GPRIN3: variants seen among roughly 807,000 people sequenced by gnomAD.
The protein encoded by GPRIN3 is G protein-regulated inducer of neurite outgrowth 3.
In GPRIN3, 12 loss-of-function variants were observed where a neutral mutation model predicts 13.7. The observed-to-expected ratio is 0.87, with a 90% CI of 0.56 to 1.42. The LOEUF is 1.42. GPRIN3 is among the 40% of genes most tolerant of loss of function. The pLI, the probability that GPRIN3 is intolerant of heterozygous loss-of-function variation, is 0.00. For missense variants in GPRIN3, 1,009 were observed against 958.7 expected (o/e 1.05, Z -0.69); for synonymous variants, 377 against 372.7 (o/e 1.01, Z -0.13).
intron 1 of GPRIN3, among the ~76,000 whole-genome samples, chr4:89,258,220 T>C (rs532901623): frequency 7.3e-4 from 98 of 134,230 alleles, no homozygotes; most frequent in Non-Finnish European, 1.3e-3. Context: ...GTAGAATGGT[T>C]AAGCCTGAGC....
chr4:89,280,998 TG>T (rs1284472693), intron 1 of GPRIN3, among the ~76,000 whole-genome samples: 1 of 152,072 alleles, frequency 6.6e-6, no homozygotes, highest in Admixed American at 6.5e-5. Context: ...AGCGTGGTGC[TG>T]GCATCCGCTA....
rs1722829340 is a variant in GPRIN3 at position 89,238,042 on chromosome 4, T to C, written c.*9738A>G. On this transcript the variant is annotated 3_prime_UTR_variant, in exon 2 of 2. Coordinates refer to ENST00000609438, the MANE Select transcript of GPRIN3 (RefSeq NM_198281.3). ...CATGAGGTTTTAATTTGACCAAGAA[T>C]AAATGTTTAAGTATGCAAGAGTTAG... 1.3e-5 allele frequency: 2 copies of C among 152,110 alleles called. No homozygotes were observed. Among genetic ancestry groups the C allele is most frequent in the African/African-American group, 2.4e-5 (1 of 41,426 alleles). The allele number at this position is 152,110 out of a possible 1,614,324, so 9.4% of individuals were successfully genotyped here. A position where few individuals can be genotyped will look rare whatever the true frequency, so the allele number is the denominator to read the frequency against.
intron 1 of GPRIN3, among the ~76,000 whole-genome samples, chr4:89,261,997 C>T (rs746289349): frequency 1.3e-5 from 2 of 151,806 alleles, no homozygotes; most frequent in Middle Eastern, 3.2e-3. Context: ...TGGCACGCGC[C>T]TGTGGTCCCA....
rs1722847542 is a variant in GPRIN3 at position 89,238,707 on chromosome 4, G to T, written c.*9073C>A. The T allele has an allele frequency of 1.3e-5, 2 of 152,132 alleles. No individual in the cohort carries two copies. Among genetic ancestry groups the T allele is most frequent in the African/African-American group, 4.8e-5 (2 of 41,418 alleles). 9.4% of individuals were successfully genotyped at this position (152,132 alleles called of 1,614,324 possible). A position where few individuals can be genotyped will look rare whatever the true frequency, so the allele number is the denominator to read the frequency against. On this transcript the variant is annotated 3_prime_UTR_variant, in exon 2 of 2. Coordinates refer to ENST00000609438, the MANE Select transcript of GPRIN3 (RefSeq NM_198281.3). ...AATTCTATTTTAATTAAAGAAAAAA[G>T]TTCTTTCATTGCAAATACTTCCAGT...
Position 89,241,963 on chromosome 4 carries a change from G to C in GPRIN3, c.*5817C>G, listed in dbSNP as rs1722956992. 6.6e-6 allele frequency: 1 copy of C among 152,114 alleles called. No individual in the cohort carries two copies. The highest frequency in any genetic ancestry group is 6.5e-5 in the Admixed American group (1 of 15,272). The allele number at this position is 152,114 out of a possible 1,614,324, so 9.4% of individuals were successfully genotyped here. ...TACTAGCAGCAATGTCAAAAAGCAA[G>C]CTATAATTTTCACCCCAGAAATAAA... On this transcript the variant is annotated 3_prime_UTR_variant, in exon 2 of 2. Coordinates refer to ENST00000609438, the MANE Select transcript of GPRIN3 (RefSeq NM_198281.3).
rs920884716 is a variant in GPRIN3 at position 89,248,230 on chromosome 4, G to T, written c.1881C>A (p.Ser627=). 2 of 1,614,066 alleles carry T rather than the reference G, an allele frequency of 1.2e-6. No homozygotes were observed. The highest frequency in any genetic ancestry group is 1.7e-6 in the Non-Finnish European group (2 of 1,180,034). The stretch of plus-strand genomic sequence containing the variant: ...TGGGCCTGCGTGGGCTGGCTTTGAC[G>T]GAGCGAGATGGGGTCTTCTTGCCAG... ...PGSGKKTPSR[S]VKASPRRPSR... The change falls in exon 2 of 2, where the codon TCC becomes TCA. Residue 627 remains serine, a synonymous_variant. Coordinates refer to ENST00000609438, the MANE Select transcript of GPRIN3 (RefSeq NM_198281.3).
At chr4:89,298,396 G>A (rs970384805) in intron 1 of GPRIN3, among the ~76,000 whole-genome samples, 2 of 152,068 alleles carry the variant, frequency 1.3e-5, no homozygotes, top group East Asian at 3.9e-4. Flanking sequence ...CTGTGAAGAG[G>A]AACGGAAATG....
chr4:89,270,565 T>TTTTATATA (rs1324036739), intron 1 of GPRIN3, among the ~76,000 whole-genome samples: 3 of 82,348 alleles, frequency 3.6e-5, no homozygotes, highest in East Asian at 4.1e-4. Flanking sequence ...TGTATATAAT[T>TTTTATATA]TATATATATA....
intron 1 of GPRIN3, among the ~76,000 whole-genome samples, chr4:89,279,664 T>C (rs967625878): frequency 1.3e-5 from 2 of 152,222 alleles, no homozygotes; most frequent in Admixed American, 6.5e-5. Flanking sequence ...CTCCTTATCT[T>C]TGTTGCCTTC....
chr4:89,276,038 C>A (rs1460143518), intron 1 of GPRIN3, among the ~76,000 whole-genome samples: 4 of 152,170 alleles, frequency 2.6e-5, no homozygotes, highest in African/African-American at 9.7e-5. Flanking sequence ...CCAGGAAATT[C>A]TTGCTATAAT....
Position 89,260,586 on chromosome 4 carries a change from T to A in GPRIN3, c.-123-10353A>T, listed in dbSNP as rs143939646. On this transcript the variant is annotated intron_variant, in intron 1 of 1. Transcript: ENST00000609438. ...GACAAATTCAATAAGAAGCTATAAGTGAGCAAGAGTGTATATAATTAAGTG... is the reference window on the plus strand; with the variant it reads ...GACAAATTCAATAAGAAGCTATAAGAGAGCAAGAGTGTATATAATTAAGTG... Among the ~76,000 whole-genome samples, 104 of 152,302 alleles carry A rather than the reference T, an allele frequency of 6.8e-4. 1 individual carries two copies. Among genetic ancestry groups the A allele is most frequent in the African/African-American group, 2.3e-3 (97 of 41,560 alleles).
In GPRIN3 at chr4:89,242,223, A is replaced by G. The variant is rs1389973582; in HGVS notation, c.*5557T>C. 2 of 152,240 alleles carry G rather than the reference A, an allele frequency of 1.3e-5. No homozygotes were observed. 9.4% of individuals were successfully genotyped at this position (152,240 alleles called of 1,614,324 possible). ...GATACTTGATGAAGAGTTAGCATTTAGAAGTGCCCATCTGGAGCATCGTTT... is the reference window on the plus strand; with the variant it reads ...GATACTTGATGAAGAGTTAGCATTTGGAAGTGCCCATCTGGAGCATCGTTT... On this transcript the variant is annotated 3_prime_UTR_variant, in exon 2 of 2. Coordinates refer to ENST00000609438, the MANE Select transcript of GPRIN3 (RefSeq NM_198281.3).
At chr4:89,287,908 T>C (rs886882701) in intron 1 of GPRIN3, among the ~76,000 whole-genome samples, 5 of 152,184 alleles carry the variant, frequency 3.3e-5, no homozygotes, top group Admixed American at 3.3e-4. Context: ...TACTGACCCC[T>C]GCAAATATGG....
Position 89,240,616 on chromosome 4 carries a change from G to A in GPRIN3, c.*7164C>T, listed in dbSNP as rs953636740. 10 of 152,158 alleles carry A rather than the reference G, an allele frequency of 6.6e-5. No homozygotes were observed. The highest frequency in any genetic ancestry group is 1.3e-4 in the Admixed American group (2 of 15,270). 9.4% of individuals were successfully genotyped at this position (152,158 alleles called of 1,614,324 possible). ...TATGAAATTAGGTGCTTAAAGAGAA[G>A]CATTAATTCCCTGTAGCTACTCAGT... On this transcript the variant is annotated 3_prime_UTR_variant, in exon 2 of 2. Transcript: ENST00000609438.
Position 89,242,073 on chromosome 4 carries a change from T to C in GPRIN3, c.*5707A>G, listed in dbSNP as rs2149246925. 6.6e-6 allele frequency: 1 copy of C among 152,326 alleles called. No homozygotes were observed. The highest frequency in any genetic ancestry group is 6.5e-5 in the Admixed American group (1 of 15,306). The allele number at this position is 152,326 out of a possible 1,614,324, so 9.4% of individuals were successfully genotyped here. A position where few individuals can be genotyped will look rare whatever the true frequency, so the allele number is the denominator to read the frequency against. ...ATTCTTTCTAACATCATTAAATCAC[T>C]GGGGTATCTCATCATAATTATCACC... On this transcript the variant is annotated 3_prime_UTR_variant, in exon 2 of 2. Transcript: ENST00000609438.
intron 1 of GPRIN3, among the ~76,000 whole-genome samples, chr4:89,269,172 C>G (rs889023960): frequency 2.6e-5 from 4 of 152,146 alleles, no homozygotes; most frequent in Non-Finnish European, 5.9e-5. Flanking sequence ...GTTTAATACT[C>G]TGGTACAAAT....
intron 1 of GPRIN3, among the ~76,000 whole-genome samples, chr4:89,300,127 C>T (rs72872599): frequency 0.056 from 8,467 of 152,082 alleles, 751 homozygotes; most frequent in African/African-American, 0.18. Flanking sequence ...AGACCCTCAC[C>T]ATGGTTAATG....
intron 1 of GPRIN3, among the ~76,000 whole-genome samples, chr4:89,274,646 C>T (rs1417159181): frequency 2.0e-5 from 3 of 152,100 alleles, no homozygotes; most frequent in Admixed American, 2.0e-4. Flanking sequence ...TTTTTGGAGC[C>T]TCAGTATCTT....
rs145378210 is a variant in GPRIN3 at position 89,266,293 on chromosome 4, G to A, written c.-123-16060C>T. Among the ~76,000 whole-genome samples the A allele has an allele frequency of 3.3e-3, 509 of 152,256 alleles. 2 individuals are homozygous for A. The highest frequency in any genetic ancestry group is 0.012 in the African/African-American group (487 of 41,544). On this transcript the variant is annotated intron_variant, in intron 1 of 1. Transcript: ENST00000609438. ...GACAGACAAATTTTCTGTTCCCAAAGTGGGACTTCCTGAGGATGCCATGAC... is the reference window on the plus strand; with the variant it reads ...GACAGACAAATTTTCTGTTCCCAAAATGGGACTTCCTGAGGATGCCATGAC...
Sources: allele counts gnomAD v4.1 joint callset (sites outside exome capture counted in the v4.1 genomes callset), GRCh38; gene constraint gnomAD v4.1.1; transcripts MANE v1.5; gene names NCBI Gene and HGNC (gene_info 2026-07-23, HGNC 2026-07-21).